The following PCDHA4 variants were observed in gnomAD, a reference collection of about 807,000 sequenced individuals.
PCDHA4 encodes the protein protocadherin alpha-4.
PCDHA4 carries 49 observed loss-of-function variants against 61.4 expected under a neutral mutation model. The ratio of observed to expected loss-of-function variants is 0.80; its 90% CI spans 0.63 to 1.01. PCDHA4 has a LOEUF of 1.01. PCDHA4 is among the 50% of genes least tolerant of loss of function. The pLI is 0.00. For synonymous variants in PCDHA4, 590 were observed against 550.3 expected, an observed-to-expected ratio of 1.07 and a Z score of -1.01; for missense variants, 1,254 against 1,235.8, an observed-to-expected ratio of 1.01 and a Z score of -0.22.
chr5:140,857,354 G>A lies in PCDHA4; in HGVS notation c.2385+47782G>A, dbSNP rs1449369579. 2.5e-6 allele frequency: 4 copies of A among 1,598,262 alleles called. No homozygotes were observed. In the African/African-American group the frequency reaches 5.4e-5, roughly 22 times the overall value. ...GGACGGGGGCTCGCCTCCGCTGTGG[G>A]CCACGGCCAGCGTGTCTGTGGAGGT... On this transcript the variant is annotated intron_variant, in intron 1 of 3. Transcript: ENST00000530339.
At chr5:140,876,004 T>A in intron 1 of PCDHA4, 1 of 1,613,866 alleles carries the variant, frequency 6.2e-7, no homozygotes, top group African/African-American at 1.3e-5. Context: ...AAATGAGAAT[T>A]TTGAGCTTAA....
At chr5:140,915,650 C>G (rs1554197017) in intron 1 of PCDHA4, among the ~76,000 whole-genome samples, 1 of 151,636 alleles carries the variant, frequency 6.6e-6, no homozygotes, top group Non-Finnish European at 1.5e-5. Flanking sequence ...CTCTCTCTCT[C>G]TCTCTCAAGG....
chr5:140,888,764 T>A (rs74654123), intron 1 of PCDHA4, among the ~76,000 whole-genome samples: 4 of 152,186 alleles, frequency 2.6e-5, no homozygotes, highest in East Asian at 3.9e-4. Context: ...CTTTTTTTTT[T>A]AATTTTGAAG....
chr5:141,008,786 T>C (rs2098390952), intron 3 of PCDHA4, among the ~76,000 whole-genome samples: 1 of 152,212 alleles, frequency 6.6e-6, no homozygotes, highest in South Asian at 2.1e-4. Context: ...TGGCTCCCAG[T>C]GTTTTATCTA....
intron 1 of PCDHA4, among the ~76,000 whole-genome samples, chr5:140,916,217 A>T (rs1050976167): frequency 6.6e-6 from 1 of 152,132 alleles, no homozygotes; most frequent in Non-Finnish European, 1.5e-5. Context: ...GGAAGATCCA[A>T]ATATGCTTTC....
intron 1 of PCDHA4, among the ~76,000 whole-genome samples, chr5:140,939,224 C>T (rs761211778): frequency 8.5e-5 from 13 of 152,130 alleles, no homozygotes; most frequent in Admixed American, 4.6e-4. Context: ...TGTCTCTTCA[C>T]CTTCTGGAAG....
intron 1 of PCDHA4, among the ~76,000 whole-genome samples, chr5:140,820,691 T>C (rs1379555443): frequency 1.3e-5 from 2 of 152,116 alleles, no homozygotes; most frequent in Non-Finnish European, 2.9e-5. Context: ...AATAAAATGA[T>C]ATTCTTTTCA....
chr5:140,900,752 T>C lies in PCDHA4; in HGVS notation c.2386-78197T>C, dbSNP rs565842266. On this transcript the variant is annotated intron_variant, in intron 1 of 3. Coordinates refer to ENST00000530339, the MANE Select transcript of PCDHA4 (RefSeq NM_018907.4). ...GCAGTGGGATTTCTGGATCACTTGG[T>C]AGCTCTATTTTTGGCTTTTTGAGGA... Among the ~76,000 whole-genome samples, 3 of 152,272 alleles carry C rather than the reference T, an allele frequency of 2.0e-5. No homozygotes were observed. In the East Asian group the frequency reaches 5.8e-4, roughly 29 times the overall value.
At chr5:140,877,332 C>G (rs2057040352) in intron 1 of PCDHA4, 16 of 1,613,990 alleles carry the variant, frequency 9.9e-6, no homozygotes, top group Non-Finnish European at 1.4e-5. Flanking sequence ...GCGCGCACAT[C>G]CCGTTCCACG....
rs187442653 is a variant in PCDHA4 at position 140,926,080 on chromosome 5, C to T, written c.2386-52869C>T. ...TCCCCTCCTTGTCGTCTCTATTGCC[C>T]TCTTGGCAGCTCCTGGGATACAAGA... On this transcript the variant is annotated intron_variant, in intron 1 of 3. Transcript: ENST00000530339. Among the ~76,000 whole-genome samples, 179 of 152,334 alleles carry T rather than the reference C, an allele frequency of 1.2e-3. 1 individual carries two copies. Among genetic ancestry groups the T allele is most frequent in the African/African-American group, 3.9e-3 (162 of 41,574 alleles).
rs2150434628 is a variant in PCDHA4, at chr5:140,849,311, C to T, written c.2385+39739C>T. On this transcript the variant is annotated intron_variant, in intron 1 of 3. Transcript: ENST00000530339. ...CCAATGCCTCAGATTTAGACGAAGGCTTGAATGGGGATATTATTTACTCCT... is the reference window on the plus strand; with the variant it reads ...CCAATGCCTCAGATTTAGACGAAGGTTTGAATGGGGATATTATTTACTCCT... 446 of 1,312,408 alleles carry T rather than the reference C, an allele frequency of 3.4e-4. 16 individuals carry two copies. The African/African-American group carries it at 6.8e-3, about 20-fold the overall frequency. 81.3% of individuals were successfully genotyped at this position (1,312,408 alleles called of 1,614,324 possible). A position where few individuals can be genotyped will look rare whatever the true frequency, so the allele number is the denominator to read the frequency against.
intron 1 of PCDHA4, chr5:140,842,575 G>T (rs782407336): frequency 1.3e-6 from 2 of 1,509,128 alleles, no homozygotes; most frequent in East Asian, 4.6e-5. Flanking sequence ...GCGAGAGAGT[G>T]TCGGCCTATG....
At chr5:140,967,010 C>A (rs781936791) in intron 1 of PCDHA4, 2 of 1,606,340 alleles carry the variant, frequency 1.2e-6, no homozygotes, top group Admixed American at 3.3e-5. Context: ...CATCAACCAT[C>A]TGGGTGCGCC....
rs138948867 is a variant in PCDHA4, at chr5:140,849,674, C to A, written c.2385+40102C>A. 2.5e-6 allele frequency: 4 copies of A among 1,598,602 alleles called. 1 individual carries two copies. Among genetic ancestry groups the A allele is most frequent in the Non-Finnish European group, 3.4e-6 (4 of 1,168,020 alleles). ...TTACCTGCTCCCTGACGCCCCACGT[C>A]CCCTTCAAGCTGGTGTCCACCTACA... On this transcript the variant is annotated intron_variant, in intron 1 of 3. Coordinates refer to ENST00000530339, the MANE Select transcript of PCDHA4 (RefSeq NM_018907.4).
intron 1 of PCDHA4, chr5:140,869,865 T>C (rs782263076): frequency 6.2e-7 from 1 of 1,610,308 alleles, no homozygotes; most frequent in Non-Finnish European, 8.5e-7. Context: ...TTATGGAAAA[T>C]GCTGCTAAAG....
At chr5:140,883,332 T>C (rs2059555585) in intron 1 of PCDHA4, 3 of 1,614,174 alleles carry the variant, frequency 1.9e-6, no homozygotes, top group Non-Finnish European at 2.5e-6. Flanking sequence ...ATCACTTCTT[T>C]GTCACTCCCC....
intron 3 of PCDHA4, among the ~76,000 whole-genome samples, chr5:141,002,755 T>C (rs894161079): frequency 3.3e-5 from 5 of 152,174 alleles, no homozygotes; most frequent in Non-Finnish European, 7.3e-5. Flanking sequence ...GACAACCCTG[T>C]GATGTAGACA....
At chr5:140,976,833 C>T (rs2096733011) in intron 1 of PCDHA4, among the ~76,000 whole-genome samples, 1 of 152,140 alleles carries the variant, frequency 6.6e-6, no homozygotes, top group Non-Finnish European at 1.5e-5. Flanking sequence ...ATGAGCAAAA[C>T]AGATATAATC....
intron 1 of PCDHA4, among the ~76,000 whole-genome samples, chr5:140,908,870 T>C (rs1221082339): frequency 6.6e-6 from 1 of 152,136 alleles, no homozygotes; most frequent in Non-Finnish European, 1.5e-5. Flanking sequence ...ATGTGTTGCC[T>C]CCAAAATCCA....
Sources: allele counts gnomAD v4.1 joint callset (sites outside exome capture counted in the v4.1 genomes callset), GRCh38; gene constraint gnomAD v4.1.1; transcripts MANE v1.5; gene names NCBI Gene and HGNC (gene_info 2026-07-23, HGNC 2026-07-21).